NRXN1: variants seen among roughly 807,000 people sequenced by gnomAD.
NRXN1 encodes the protein neurexin-1.
Under a neutral mutation model 150.9 loss-of-function variants are expected in NRXN1, and 39 were observed. The observed-to-expected ratio is 0.26, with a 90% CI of 0.20 to 0.34. The LOEUF (loss-of-function observed/expected upper bound fraction) is 0.34, where lower values mean the gene tolerates loss of function less well. Ranked by LOEUF, NRXN1 falls within the 10% of genes least tolerant of loss-of-function variation. The pLI is 1.00. For missense variants in NRXN1, 1,815 were observed against 1,949.9 expected, an observed-to-expected ratio of 0.93 and a Z score of 1.30; for synonymous variants, 924 against 757.0, an observed-to-expected ratio of 1.22 and a Z score of -3.62.
At chr2:50,529,229 C>A (rs1403377331) in intron 11 of NRXN1, among the ~76,000 whole-genome samples, 1 of 152,110 alleles carries the variant, frequency 6.6e-6, no homozygotes, top group East Asian at 1.9e-4. Flanking sequence ...GGATTCCATA[C>A]CTTGCGTTAA....
chr2:50,066,741 T>C (rs1024614961), intron 19 of NRXN1, among the ~76,000 whole-genome samples: 1 of 152,118 alleles, frequency 6.6e-6, no homozygotes, highest in African/African-American at 2.4e-5. Context: ...CTAAGTAAAA[T>C]GCACTGAAAA....
chr2:50,433,596 A>G (rs2160443), intron 17 of NRXN1, among the ~76,000 whole-genome samples: 2 of 146,022 alleles, frequency 1.4e-5, no homozygotes, highest in Non-Finnish European at 3.0e-5. Flanking sequence ...CTTCCCAGGG[A>G]GTTATGGGCA....
chr2:50,272,888 GA>G (rs963791280), intron 17 of NRXN1, among the ~76,000 whole-genome samples: 7 of 151,318 alleles, frequency 4.6e-5, no homozygotes, highest in East Asian at 1.9e-4. Context: ...AACCCTTAAT[GA>G]AAAAAAATGA....
chr2:50,959,512 A>G (rs1013707822), intron 2 of NRXN1, among the ~76,000 whole-genome samples: 10 of 152,070 alleles, frequency 6.6e-5, no homozygotes, highest in Admixed American at 2.6e-4. Flanking sequence ...CACATCTTAT[A>G]TGATTTCATT....
At chr2:50,650,597 T>C (rs1023149001) in intron 5 of NRXN1, among the ~76,000 whole-genome samples, 1 of 152,096 alleles carries the variant, frequency 6.6e-6, no homozygotes, top group Non-Finnish European at 1.5e-5. Flanking sequence ...GTGAGCTCAT[T>C]ACGTGCATGC....
chr2:50,390,587 T>G (rs139783227), intron 17 of NRXN1, among the ~76,000 whole-genome samples: 1 of 152,290 alleles, frequency 6.6e-6, no homozygotes, highest in East Asian at 1.9e-4. Context: ...TGTTAGAAAC[T>G]TAATCTCCCA....
At chr2:49,922,490 A>G (rs950707349) in intron 22 of NRXN1, among the ~76,000 whole-genome samples, 4 of 152,178 alleles carry the variant, frequency 2.6e-5, no homozygotes, top group Non-Finnish European at 5.9e-5. Context: ...TTTTGTTCAC[A>G]GAGTTTGGTA....
At chr2:50,233,244 C>G (rs1475577180) in intron 18 of NRXN1, among the ~76,000 whole-genome samples, 1 of 151,992 alleles carries the variant, frequency 6.6e-6, no homozygotes, top group Non-Finnish European at 1.5e-5. Context: ...AAAACCTTAA[C>G]AATTTCAATA....
chr2:49,927,720 G>T (rs1306889962), intron 22 of NRXN1, among the ~76,000 whole-genome samples: 1 of 152,074 alleles, frequency 6.6e-6, no homozygotes, highest in Non-Finnish European at 1.5e-5. Flanking sequence ...TATAGAATGG[G>T]GTTTGGTGGG....
chr2:50,870,635 T>C (rs950932594), intron 5 of NRXN1, among the ~76,000 whole-genome samples: 1 of 151,980 alleles, frequency 6.6e-6, no homozygotes, highest in African/African-American at 2.4e-5. Flanking sequence ...TTGTAACCCA[T>C]GTGTTGCCCT....
intron 17 of NRXN1, among the ~76,000 whole-genome samples, chr2:50,376,450 G>T (rs2080503850): frequency 1.3e-5 from 2 of 151,900 alleles, no homozygotes; most frequent in African/African-American, 4.8e-5. Flanking sequence ...AAACTACCCA[G>T]GTTCTGTTCA....
At chr2:50,020,337 C>T (rs1390734037) in intron 21 of NRXN1, among the ~76,000 whole-genome samples, 1 of 152,156 alleles carries the variant, frequency 6.6e-6, no homozygotes, top group Non-Finnish European at 1.5e-5. Flanking sequence ...AATGCTAAAG[C>T]AATTTCTGTA....
intron 17 of NRXN1, among the ~76,000 whole-genome samples, chr2:50,394,473 G>T (rs1016163218): frequency 6.6e-6 from 1 of 151,888 alleles, no homozygotes; most frequent in African/African-American, 2.4e-5. Flanking sequence ...TTTAAATTCC[G>T]CTTTCTTCCA....
intron 2 of NRXN1, among the ~76,000 whole-genome samples, chr2:50,970,177 T>A (rs1421501811): frequency 6.6e-6 from 1 of 152,124 alleles, no homozygotes; most frequent in Non-Finnish European, 1.5e-5. Flanking sequence ...ATTTGTAGGT[T>A]TTTATGGCTG....
At chr2:50,054,881 A>G in intron 20 of NRXN1, 74 bp downstream of exon 20, 1 of 906,938 alleles carries the variant, frequency 1.1e-6, no homozygotes, top group Non-Finnish European at 1.6e-6. Context: ...TATGTTTATT[A>G]GTGTTACAAT....
intron 5 of NRXN1, among the ~76,000 whole-genome samples, chr2:50,800,249 A>C (rs1574517051): frequency 6.6e-6 from 1 of 152,174 alleles, no homozygotes; most frequent in Non-Finnish European, 1.5e-5. Context: ...ATCTCTGAGG[A>C]GCCCAGTTTT....
At chr2:50,168,592 G>T (rs2059827292) in intron 18 of NRXN1, among the ~76,000 whole-genome samples, 1 of 152,090 alleles carries the variant, frequency 6.6e-6, no homozygotes, top group Admixed American at 6.5e-5. Flanking sequence ...CGAATCAATT[G>T]GAACATTTTT....
intron 8 of NRXN1, among the ~76,000 whole-genome samples, chr2:50,593,788 T>C (rs1190579551): frequency 1.3e-5 from 2 of 152,216 alleles, no homozygotes; most frequent in Non-Finnish European, 2.9e-5. Context: ...ACATCCAACA[T>C]ATCTAGGCTG....
At chr2:50,929,029 G>C (rs1037126110) in intron 2 of NRXN1, among the ~76,000 whole-genome samples, 1 of 151,984 alleles carries the variant, frequency 6.6e-6, no homozygotes, top group Non-Finnish European at 1.5e-5. Flanking sequence ...ATGGGAATTA[G>C]GCACCAGAAT....
Sources: gnomAD v4.1 joint callset for allele counts (sites outside exome capture counted in the v4.1 genomes callset) on GRCh38, gnomAD v4.1.1 for gene constraint, MANE v1.5 for transcripts, NCBI Gene and HGNC (gene_info 2026-07-23, HGNC 2026-07-21) for gene names.